PRODH2: variants seen among roughly 807,000 people sequenced by gnomAD.
PRODH2 encodes the protein proline dehydrogenase 2.
In PRODH2, 49 loss-of-function variants were observed where a neutral mutation model predicts 51.9. The observed-to-expected ratio is 0.94, with a 90% CI of 0.75 to 1.20. PRODH2 has a LOEUF of 1.20. Ranked by LOEUF, PRODH2 falls within the 50% of genes most tolerant of loss-of-function variation. The pLI, the probability that PRODH2 is intolerant of heterozygous loss-of-function variation, is 0.00. For synonymous variants in PRODH2, 249 were observed against 260.7 expected (o/e 0.96, Z 0.43); for missense variants, 597 against 610.9 (o/e 0.98, Z 0.24).
At chr19:35,810,602 A>G (rs1265142364) in intron 4 of PRODH2, among the ~76,000 whole-genome samples, 1 of 151,538 alleles carries the variant, frequency 6.6e-6, no homozygotes, top group Admixed American at 6.6e-5. Flanking sequence ...GTTTACTGCA[A>G]CCTCCGCCTC....
chr19:35,807,922 C>T (rs1003256833), intron 4 of PRODH2, among the ~76,000 whole-genome samples: 2 of 152,092 alleles, frequency 1.3e-5, no homozygotes, highest in African/African-American at 4.8e-5. Context: ...ACCACAGGCA[C>T]CCACCACCAT....
chr19:35,800,211 A>G lies in PRODH2; in HGVS notation c.1210T>C (p.Tyr404His). 10 of 1,581,842 alleles carry G rather than the reference A, an allele frequency of 6.3e-6. No individual in the cohort carries two copies. The highest frequency in any genetic ancestry group is 6.9e-6 in the Non-Finnish European group (8 of 1,163,392). Residue 404 changes from tyrosine (Y) to histidine (H), a missense_variant, in exon 10 of 10, where the codon TAT becomes CAT. By Grantham distance (83) the Tyr-to-His change is moderately conservative. Coordinates refer to ENST00000653904, the MANE Select transcript of PRODH2 (RefSeq NM_021232.2). ...TAGGGAATGGACTTATACACTACATAGCCGGCCTGCCCTGCAGGGAGAGTG... is the reference window on the plus strand; with the variant it reads ...TAGGGAATGGACTTATACACTACATGGCCGGCCTGCCCTGCAGGGAGAGTG... ...HVSLALGQAG[Y>H]VVYKSIPYGS...
chr19:35,800,348 A>C (rs1285174425), intron 9 of PRODH2, 126 bp from the exon 10 acceptor site: 3 of 855,110 alleles, frequency 3.5e-6, no homozygotes, highest in Non-Finnish European at 5.1e-6. Flanking sequence ...CTCCAGGTTC[A>C]AGCGATTCTC....
chr19:35,800,660 T>G (rs909609789), intron 9 of PRODH2, among the ~76,000 whole-genome samples: 1 of 151,922 alleles, frequency 6.6e-6, no homozygotes, highest in African/African-American at 2.4e-5. Context: ...TGGATAAAAT[T>G]TCTAACTGAA....
chr19:35,802,587 G>T, intron 8 of PRODH2: 1 of 464,502 alleles, frequency 2.2e-6, no homozygotes, highest in Non-Finnish European at 3.9e-6. Context: ...TAAGAGGTAG[G>T]GACTTGCTTT....
At chr19:35,803,141 T>TG (rs1012774584) in intron 7 of PRODH2, 63 bp from the exon 8 acceptor site, 2 of 1,227,060 alleles carry the variant, frequency 1.6e-6, no homozygotes, top group Non-Finnish European at 2.2e-6. Flanking sequence ...GCGACTGGGG[T>TG]GGGTGGGGTG....
chr19:35,804,030 G>C (rs1184165885), intron 7 of PRODH2, among the ~76,000 whole-genome samples: 1 of 152,158 alleles, frequency 6.6e-6, no homozygotes. Flanking sequence ...GTCATGTGCA[G>C]GAAGGAGTGT....
intron 9 of PRODH2, chr19:35,801,929 TAATTAC>T (rs1352612521): frequency 2.1e-6 from 1 of 471,968 alleles, no homozygotes; most frequent in African/African-American, 1.9e-5. Context: ...AAGGAAACAT[TAATTAC>T]CTGGTGTCAG....
chr19:35,810,585 G>A (rs1223098321), intron 4 of PRODH2, among the ~76,000 whole-genome samples: 19 of 151,062 alleles, frequency 1.3e-4, no homozygotes, highest in African/African-American at 2.7e-4. Context: ...GCAGTGGCAC[G>A]ATCTCGGTTT....
chr19:35,811,877 T>C (rs1395118287), intron 4 of PRODH2, 85 bp downstream of exon 4: 3 of 1,339,322 alleles, frequency 2.2e-6, no homozygotes, highest in Non-Finnish European at 3.2e-6. Context: ...GAGGTGGCCG[T>C]AGCATTTTGA....
rs377146596 is a variant in PRODH2 at position 35,803,071 on chromosome 19, G to A, written c.1009C>T (p.Arg337Cys). ...DYEATSQSYS[R>C]CLELMLTHVA... ...TGCGTCAGCATCAGTTCCAGGCAGC[G>A]GCTGTAACTGAAGGGAGATGCTCTG... Residue 337 changes from arginine (R) to cysteine (C), a missense_variant, in exon 8 of 10, where the codon CGC becomes TGC. Coordinates refer to ENST00000653904, the MANE Select transcript of PRODH2 (RefSeq NM_021232.2). 6.3e-5 allele frequency: 97 copies of A among 1,535,922 alleles called. 2 individuals are homozygous for A. In the Middle Eastern group the frequency reaches 1.5e-3, roughly 24 times the overall value.
chr19:35,806,408 A>C (rs773820921), intron 7 of PRODH2, 22 bp downstream of exon 7: 1 of 1,613,576 alleles, frequency 6.2e-7, no homozygotes, highest in Non-Finnish European at 8.5e-7. Flanking sequence ...TTTCCTGCAG[A>C]GGCCAGCTGG....
chr19:35,812,538 G>C lies in PRODH2; in HGVS notation c.193C>G (p.Arg65Gly), dbSNP rs577412569. The C allele has an allele frequency of 6.2e-7, 1 of 1,613,796 alleles. No individual in the cohort carries two copies. The highest frequency in any genetic ancestry group is 8.5e-7 in the Non-Finnish European group (1 of 1,179,876). ...HGLLLQAWSR[R>G]LLGSRLSGAF... ...CCTGAGAGCCGGGAGCCCAGGAGTC[G>C]CCGAGACCAGGCCTGGAGCTGGGTG... Residue 65 changes from arginine to glycine, a missense_variant, in exon 2 of 10, where the codon CGA (arginine) becomes GGA (glycine). Coordinates refer to ENST00000653904, the MANE Select transcript of PRODH2 (RefSeq NM_021232.2).
chr19:35,809,971 A>C (rs1415903401), intron 4 of PRODH2, among the ~76,000 whole-genome samples: 3 of 138,526 alleles, frequency 2.2e-5, no homozygotes, highest in African/African-American at 5.3e-5. Flanking sequence ...AAAAAAAAAA[A>C]AAAAAAAAAA....
intron 9 of PRODH2, among the ~76,000 whole-genome samples, chr19:35,800,594 A>C (rs143753683): frequency 4.6e-5 from 7 of 152,320 alleles, no homozygotes; most frequent in Admixed American, 1.3e-4. Flanking sequence ...GACACTCCCC[A>C]GTCCCCACCT....
chr19:35,806,325 T>A (rs985004642), intron 7 of PRODH2, 105 bp downstream of exon 7: 48 of 1,408,452 alleles, frequency 3.4e-5, no homozygotes, highest in Non-Finnish European at 4.6e-5. Flanking sequence ...CTCAAGTGAA[T>A]CTCTAGCCTC....
In PRODH2 at chr19:35,806,842, A is replaced by C. The variant is rs1265781964; in HGVS notation, c.679-12T>G. The C allele has an allele frequency of 6.3e-7, 1 of 1,587,836 alleles. No individual in the cohort carries two copies. On this transcript the variant is annotated splice_polypyrimidine_tract_variant and intron_variant, in intron 5 of 9. Transcript: ENST00000653904. ...TGGGCCCGGGCATACTGATGGCGAC[A>C]GAGACGACGGTCAGGGCCCCGGGTG...
chr19:35,806,480 G>A lies in PRODH2; in HGVS notation c.951C>T (p.Leu317=), dbSNP rs1972512199. The A allele has an allele frequency of 1.9e-6, 3 of 1,614,096 alleles. No individual in the cohort carries two copies. The highest frequency in any genetic ancestry group is 2.7e-5 in the African/African-American group (2 of 75,014). ...YLDKERAVAQ[L]HGMEDPTQPD... ...GCTGAGTGGGGTCTTCCATCCCATG[G>A]AGCTGGGCCACCGCTCTCTCCTTGT... The change falls in exon 7 of 10, where the codon CTC becomes CTT. Residue 317 remains leucine, a synonymous_variant. Coordinates refer to ENST00000653904, the MANE Select transcript of PRODH2 (RefSeq NM_021232.2).
intron 4 of PRODH2, among the ~76,000 whole-genome samples, chr19:35,809,981 A>AAAAAC (rs1972581751): frequency 4.5e-5 from 6 of 133,496 alleles, no homozygotes; most frequent in African/African-American, 1.8e-4. Context: ...AAAAAAAAAA[A>AAAAAC]AAAACGCTGG....
Sources: allele counts gnomAD v4.1 joint callset (sites outside exome capture counted in the v4.1 genomes callset), GRCh38; gene constraint gnomAD v4.1.1; transcripts MANE v1.5; gene names NCBI Gene and HGNC (gene_info 2026-07-23, HGNC 2026-07-21).